ITIH6: variants seen among roughly 807,000 people sequenced by gnomAD.
ITIH6 encodes the protein inter-alpha-trypsin inhibitor heavy chain family member 6, also known as inter-alpha-trypsin inhibitor heavy chain H6.
Under a neutral mutation model 58.2 loss-of-function variants are expected in ITIH6, and 60 were observed. The observed-to-expected ratio is 1.03, with a 90% CI of 0.84 to 1.28. The LOEUF (loss-of-function observed/expected upper bound fraction) is 1.28, where lower values mean the gene tolerates loss of function less well. Ranked by LOEUF, ITIH6 falls within the 50% of genes most tolerant of loss-of-function variation. ITIH6 has a pLI of 0.00. For synonymous variants in ITIH6, 493 were observed against 417.4 expected, an observed-to-expected ratio of 1.18 and a Z score of -2.21; for missense variants, 1,290 against 1,021.1, an observed-to-expected ratio of 1.26 and a Z score of -3.59.
At chrX:54,771,652 T>C in intron 6 of ITIH6, among the ~76,000 whole-genome samples, 1 of 111,715 alleles carries the variant, frequency 9.0e-6, no homozygotes, top group Non-Finnish European at 1.9e-5. Context: ...AATTCTTGGT[T>C]TGACCCATTA....
chrX:54,796,805 G>C (rs1452138408), intron 2 of ITIH6, 137 bp downstream of exon 2: 1 of 564,726 alleles, frequency 1.8e-6, no homozygotes, highest in Non-Finnish European at 2.7e-6. Flanking sequence ...CAAACTGGCA[G>C]AGCCAGGATT....
Position 54,757,598 on chromosome X carries a change from G to T in ITIH6, c.2476C>A (p.Pro826Thr), listed in dbSNP as rs762961857. ...CGGGTCTTGGGAGCAGGAACCCTAG[G>T]TCTGGTGTGTAGTGGGTACTTGGGA... ...QVPKYPLHTRPRVPAPKTRNN... is the reference protein window; with the variant it reads ...QVPKYPLHTRTRVPAPKTRNN... The change falls in exon 8 of 13, where the codon CCT becomes ACT. Residue 826 changes from proline to threonine, a missense_variant. Physicochemically the swap from Pro to Thr is conservative, Grantham distance 38. Transcript: ENST00000218436. 1.3e-4 allele frequency: 156 copies of T among 1,208,731 alleles called. No individual in the cohort carries two copies. Among genetic ancestry groups the T allele is most frequent in the Non-Finnish European group, 1.7e-4 (155 of 894,812 alleles).
intron 5 of ITIH6, among the ~76,000 whole-genome samples, chrX:54,782,486 T>A (rs922753099): frequency 1.8e-5 from 2 of 111,642 alleles, no homozygotes; most frequent in Non-Finnish European, 3.8e-5. Flanking sequence ...GGTGACAACA[T>A]GGGGTGTCTG....
At chrX:54,779,397 G>A (rs995246457) in intron 5 of ITIH6, among the ~76,000 whole-genome samples, 1 of 111,772 alleles carries the variant, frequency 8.9e-6, no homozygotes, top group African/African-American at 3.2e-5. Context: ...AGAGGATGAA[G>A]TTAAGGCATA....
rs140369636 is a variant in ITIH6, at chrX:54,792,195, G to C, written c.258-159C>G. On this transcript the variant is annotated intron_variant, in intron 2 of 12. Transcript: ENST00000218436. ...AAAGCCCCAGTGTGAGCGGCAAGAA[G>C]AGAAGAAGAGGAAAGGAGAGGGAGA... Among the ~76,000 whole-genome samples, 1,337 of 111,297 alleles carry C rather than the reference G, an allele frequency of 0.012. 15 individuals are homozygous for C. The highest frequency in any genetic ancestry group is 0.041 in the African/African-American group (1,246 of 30,581).
In ITIH6 at chrX:54,758,681, G is replaced by A; in HGVS notation, c.1393C>T (p.Leu465Phe). The change falls in exon 8 of 13, where the codon CTC becomes TTC. Residue 465 changes from leucine (L) to phenylalanine (F), a missense_variant. By Grantham distance (22) the Leu-to-Phe change is conservative (BLOSUM62 0). Coordinates refer to ENST00000218436, the MANE Select transcript of ITIH6 (RefSeq NM_198510.3). ...DTDAALQLKG[L>F]YEEISMPLLA... is the part of the protein sequence containing the mutation. ...AGAGGCATGGAGATCTCCTCATAGA[G>A]GCCCTTCAGCTGTAGGGCCGCATCA... 1.7e-6 allele frequency: 2 copies of A among 1,211,671 alleles called. No homozygotes were observed.
intron 6 of ITIH6, among the ~76,000 whole-genome samples, chrX:54,765,982 C>A (rs1928775964): frequency 9.0e-6 from 1 of 111,307 alleles, no homozygotes; most frequent in African/African-American, 3.3e-5. Context: ...TTACCTTAGG[C>A]AGTATGGCCA....
At chrX:54,769,058 C>A (rs1928875196) in intron 6 of ITIH6, among the ~76,000 whole-genome samples, 1 of 103,567 alleles carries the variant, frequency 9.7e-6, no homozygotes, top group Non-Finnish European at 1.9e-5. Flanking sequence ...TCCCATATTT[C>A]TTGGAGGCTT....
chrX:54,764,360 T>A (rs1928719742), intron 6 of ITIH6, among the ~76,000 whole-genome samples: 1 of 108,687 alleles, frequency 9.2e-6, no homozygotes, highest in Non-Finnish European at 1.9e-5. Context: ...CTGCACCCAC[T>A]AACTCGTCAT....
At chrX:54,789,913 A>T (rs1422213145) in intron 4 of ITIH6, among the ~76,000 whole-genome samples, 1 of 108,607 alleles carries the variant, frequency 9.2e-6, no homozygotes, top group Non-Finnish European at 1.9e-5. Flanking sequence ...CATTTTACAG[A>T]TGGGAAAAGT....
intron 6 of ITIH6, among the ~76,000 whole-genome samples, chrX:54,764,259 CTT>C (rs1189984742): frequency 2.0e-5 from 2 of 101,412 alleles, no homozygotes; most frequent in African/African-American, 3.6e-5. Flanking sequence ...TTTTAAAATT[CTT>C]TTTTTTTTTA....
chrX:54,776,546 C>T (rs1929057226), intron 5 of ITIH6, among the ~76,000 whole-genome samples: 1 of 109,974 alleles, frequency 9.1e-6, no homozygotes, highest in South Asian at 4.0e-4. Context: ...CTTCATTCTG[C>T]TTGAAGACTG....
intron 5 of ITIH6, among the ~76,000 whole-genome samples, chrX:54,779,202 T>C (rs754588858): frequency 4.9e-4 from 55 of 111,970 alleles, no homozygotes; most frequent in African/African-American, 1.7e-3. Context: ...GGTACAAAAC[T>C]TACTGGCAAT....
rs765867688 is a variant in ITIH6, at chrX:54,751,229, GC to G, written c.3503del (p.Gly1168AlafsTer15). On this transcript the variant is annotated frameshift_variant, in exon 12 of 13. Transcript: ENST00000218436. LOFTEE classifies it high-confidence loss of function. ...CCCAGGACAGGCGCAAGGTACCCTCGCCTCGCAAAGATATAGAACTGCGGCT... is the reference window on the plus strand; with the variant it reads ...CCCAGGACAGGCGCAAGGTACCCTCGCTCGCAAAGATATAGAACTGCGGCT... ...TISRSSISLR[G>X]EGTLRLSWDQ... 2 of 1,210,149 alleles carry G rather than the reference GC, an allele frequency of 1.7e-6. No individual in the cohort carries two copies. The highest frequency in any genetic ancestry group is 2.2e-6 in the Non-Finnish European group (2 of 895,135).
intron 6 of ITIH6, among the ~76,000 whole-genome samples, chrX:54,763,808 C>T (rs1342919145): frequency 8.9e-6 from 1 of 111,938 alleles, no homozygotes; most frequent in Non-Finnish European, 1.9e-5. Flanking sequence ...TGTATTTTTA[C>T]CTTCCAGTTT....
In ITIH6 at chrX:54,758,862, C is replaced by G; in HGVS notation, c.1212G>C (p.Val404=). 2 of 1,211,537 alleles carry G rather than the reference C, an allele frequency of 1.7e-6. No individual in the cohort carries two copies. Among genetic ancestry groups the G allele is most frequent in the South Asian group, 3.5e-5 (2 of 56,899 alleles). The stretch of plus-strand genomic sequence containing the variant: ...TGGAGAGGATCACACTGGGGGTCGT[C>G]ACGCCGGCCGTGGGCTCCCCATCCG... ...FLTDGEPTAG[V]TTPSVILSNV... Residue 404 remains valine, a synonymous_variant, in exon 8 of 13, where the codon GTG becomes GTC. Transcript: ENST00000218436.
chrX:54,750,079 A>C lies in ITIH6; in HGVS notation c.3758T>G (p.Leu1253Arg), dbSNP rs1313248227. The change falls in exon 13 of 13, where the codon CTG becomes CGG. Residue 1253 changes from leucine (L) to arginine (R), a missense_variant. By Grantham distance (102) the Leu-to-Arg change is moderately radical. Transcript: ENST00000218436. ...IGQFQHADIR[L>R]VTGPMGPCLR... ...GCATGGCCCCATAGGTCCTGTCACC[A>C]GTCGGATGTCTGCGTGCTGGAACTG... 3 of 1,209,330 alleles carry C rather than the reference A, an allele frequency of 2.5e-6. No individual in the cohort carries two copies. In the Admixed American group the frequency reaches 6.5e-5, roughly 26 times the overall value.
In ITIH6 at chrX:54,774,117, G is replaced by A. The variant is rs201639570; in HGVS notation, c.867C>T (p.Asp289=). The change falls in exon 6 of 13, where the codon GAC becomes GAT. Residue 289 remains aspartate, a synonymous_variant. Coordinates refer to ENST00000218436, the MANE Select transcript of ITIH6 (RefSeq NM_198510.3). ...TGGTACCAAACATGGAGCTGCTTACGTCAATAACAAAAACCACATTCTTCT... is the reference window on the plus strand; with the variant it reads ...TGGTACCAAACATGGAGCTGCTTACATCAATAACAAAAACCACATTCTTCT... ...PMEKNVVFVI[D]VSSSMFGTKM... 124 of 1,180,570 alleles carry A rather than the reference G, an allele frequency of 1.1e-4. No individual in the cohort carries two copies. The East Asian group carries it at 1.1e-3, about 10-fold the overall frequency.
At chrX:54,778,319 C>T (rs927088776) in intron 5 of ITIH6, among the ~76,000 whole-genome samples, 2 of 109,221 alleles carry the variant, frequency 1.8e-5, no homozygotes, top group Admixed American at 2.0e-4. Flanking sequence ...CTCAGCCTCC[C>T]GAGTAGCTGG....
Sources: gnomAD v4.1 joint callset for allele counts (sites outside exome capture counted in the v4.1 genomes callset) on GRCh38, gnomAD v4.1.1 for gene constraint, MANE v1.5 for transcripts, NCBI Gene and HGNC (gene_info 2026-07-23, HGNC 2026-07-21) for gene names.